Variants in FGGY observed in about 807,000 individuals in gnomAD.
FGGY encodes FGGY carbohydrate kinase domain-containing protein.
Under a neutral mutation model 71.3 loss-of-function variants are expected in FGGY, and 72 were observed. The ratio of observed to expected loss-of-function variants is 1.01; its 90% CI spans 0.84 to 1.23. FGGY has a LOEUF of 1.23. Ranked by LOEUF, FGGY falls within the 50% of genes most tolerant of loss-of-function variation. The pLI, the probability that FGGY is intolerant of heterozygous loss-of-function variation, is 0.00. For synonymous variants in FGGY, 251 were observed against 250.3 expected (o/e 1.00, Z -0.02); for missense variants, 668 against 682.3 (o/e 0.98, Z 0.23).
chr1:59,561,426 A>G (rs538290555), intron 8 of FGGY, among the ~76,000 whole-genome samples: 2 of 152,332 alleles, frequency 1.3e-5, no homozygotes, highest in Admixed American at 1.3e-4. Flanking sequence ...GATGTGGTTC[A>G]GTGGACAATG....
intron 11 of FGGY, among the ~76,000 whole-genome samples, chr1:59,659,201 C>CA (rs1344880551): frequency 2.0e-5 from 3 of 151,498 alleles, no homozygotes; most frequent in African/African-American, 4.9e-5. Flanking sequence ...GACTCTGTCT[C>CA]AAAAAAAAGA....
chr1:59,691,487 A>C (rs2097585919), intron 14 of FGGY, among the ~76,000 whole-genome samples: 1 of 152,130 alleles, frequency 6.6e-6, no homozygotes, highest in African/African-American at 2.4e-5. Flanking sequence ...GGTGAATTAG[A>C]AATTCTATCC....
In FGGY at chr1:59,667,304, G is replaced by A; in HGVS notation, c.1318G>A (p.Glu440Lys). 3.7e-6 allele frequency: 6 copies of A among 1,614,084 alleles called. No individual in the cohort carries two copies. Among genetic ancestry groups the A allele is most frequent in the Non-Finnish European group, 5.1e-6 (6 of 1,179,996 alleles). ...CAAGTTGGGGACTCGCTTCATTATAGAAGCCATGGAGGCAGCAGGGCACTC... is the reference window on the plus strand; with the variant it reads ...CAAGTTGGGGACTCGCTTCATTATAAAAGCCATGGAGGCAGCAGGGCACTC... ...AIALGTRFII[E>K]AMEAAGHSIS... The change falls in exon 13 of 16, where the codon GAA becomes AAA. Residue 440 changes from glutamate to lysine, a missense_variant. By Grantham distance (56) the Glu-to-Lys change is moderately conservative. Around this residue, in one of 2 missense-constraint regions of FGGY, gnomAD observed 661 missense variants for 661.6 expected, o/e 1.00. Coordinates refer to ENST00000303721, the MANE Select transcript of FGGY (RefSeq NM_018291.5).
At chr1:59,492,243 G>T (rs887818422) in intron 6 of FGGY, among the ~76,000 whole-genome samples, 2 of 151,962 alleles carry the variant, frequency 1.3e-5, no homozygotes. Flanking sequence ...TTTTTAATCT[G>T]TTTGCTTATT....
chr1:59,420,965 C>T (rs183694892), intron 5 of FGGY, among the ~76,000 whole-genome samples: 1 of 151,546 alleles, frequency 6.6e-6, no homozygotes, highest in Non-Finnish European at 1.5e-5. Context: ...TTACACTTAC[C>T]AGAAAAGCTG....
chr1:59,352,187 G>A (rs11207439), intron 4 of FGGY, among the ~76,000 whole-genome samples: 16,482 of 152,098 alleles, frequency 0.11, 918 homozygotes, highest in Middle Eastern at 0.12. Context: ...TGAGCAGCTG[G>A]GGTCTCCTAT....
intron 7 of FGGY, among the ~76,000 whole-genome samples, chr1:59,512,764 T>G (rs2094548986): frequency 6.6e-6 from 1 of 152,210 alleles, no homozygotes; most frequent in Non-Finnish European, 1.5e-5. Flanking sequence ...AGCTCTACTG[T>G]TTTTTTGTAA....
In FGGY at chr1:59,539,389, G is replaced by T. The variant is rs115209696; in HGVS notation, c.800-14735G>T. ...ACATATTACGAAGTAATTAAGAATG[G>T]TATTGAGGGAAGGACAGACAACCCA... On this transcript the variant is annotated intron_variant, in intron 7 of 15. Transcript: ENST00000303721. Among the ~76,000 whole-genome samples the T allele has an allele frequency of 3.1e-3, 476 of 152,256 alleles. 2 individuals carry two copies. The highest frequency in any genetic ancestry group is 0.011 in the African/African-American group (451 of 41,568).
chr1:59,362,923 C>G (rs912603598), intron 4 of FGGY, among the ~76,000 whole-genome samples: 4 of 152,124 alleles, frequency 2.6e-5, no homozygotes, highest in African/African-American at 4.8e-5. Context: ...CCAGGACTGA[C>G]AGACCATTTT....
intron 8 of FGGY, among the ~76,000 whole-genome samples, chr1:59,565,146 T>C (rs1268954612): frequency 6.6e-6 from 1 of 152,098 alleles, no homozygotes; most frequent in Non-Finnish European, 1.5e-5. Context: ...TTATTATATG[T>C]TTATCATGGT....
chr1:59,691,635 T>A (rs1461525324), intron 14 of FGGY, among the ~76,000 whole-genome samples: 2 of 150,296 alleles, frequency 1.3e-5, no homozygotes, highest in Admixed American at 6.6e-5. Flanking sequence ...TCTTTTTTTT[T>A]CTTTTCTTTT....
chr1:59,347,693 CA>C (rs2052360783), intron 4 of FGGY, among the ~76,000 whole-genome samples: 2 of 152,064 alleles, frequency 1.3e-5, no homozygotes, highest in African/African-American at 4.8e-5. Context: ...CTGAGAAAAA[CA>C]AGAAATGGGG....
chr1:59,537,075 C>T (rs900631601), intron 7 of FGGY, among the ~76,000 whole-genome samples: 4 of 151,518 alleles, frequency 2.6e-5, no homozygotes, highest in African/African-American at 9.7e-5. Flanking sequence ...TTGCAGATGA[C>T]ATGATTGTAT....
intron 2 of FGGY, among the ~76,000 whole-genome samples, chr1:59,324,489 G>C (rs2047014112): frequency 6.6e-6 from 1 of 151,242 alleles, no homozygotes; most frequent in South Asian, 2.1e-4. Flanking sequence ...TTTTAGCCGG[G>C]ATGGTCTCGA....
intron 6 of FGGY, among the ~76,000 whole-genome samples, chr1:59,470,234 TTAAG>T: frequency 6.6e-6 from 1 of 152,318 alleles, no homozygotes; most frequent in East Asian, 1.9e-4. Context: ...TCAACAGCGT[TTAAG>T]TATTCCCTTT....
intron 5 of FGGY, among the ~76,000 whole-genome samples, chr1:59,427,552 A>G (rs1320441120): frequency 6.6e-6 from 1 of 152,212 alleles, no homozygotes; most frequent in Non-Finnish European, 1.5e-5. Flanking sequence ...GCTCCTGAGA[A>G]CCAGAGTTCT....
At chr1:59,590,658 C>T (rs1177027681) in intron 8 of FGGY, among the ~76,000 whole-genome samples, 1 of 152,130 alleles carries the variant, frequency 6.6e-6, no homozygotes, top group Non-Finnish European at 1.5e-5. Context: ...AAATGTAATC[C>T]AGCATATAAA....
intron 8 of FGGY, among the ~76,000 whole-genome samples, chr1:59,592,523 T>G (rs1385766300): frequency 1.3e-5 from 2 of 152,146 alleles, no homozygotes; most frequent in African/African-American, 4.8e-5. Context: ...TAGCAAAGAC[T>G]TGGAACCAAC....
chr1:59,372,866 A>G (rs1480220865), intron 4 of FGGY, among the ~76,000 whole-genome samples: 1 of 152,126 alleles, frequency 6.6e-6, no homozygotes, highest in Non-Finnish European at 1.5e-5. Flanking sequence ...ACAACCCTTC[A>G]TGCTAAAAAC....
Sources: allele counts gnomAD v4.1 joint callset (sites outside exome capture counted in the v4.1 genomes callset), GRCh38; gene constraint gnomAD v4.1.1; regional missense constraint gnomAD v4.1.1; transcripts MANE v1.5; gene names NCBI Gene and HGNC (gene_info 2026-07-23, HGNC 2026-07-21).